The following LRP1B variants were observed in gnomAD, a reference collection of about 807,000 sequenced individuals.
The protein encoded by LRP1B is LDL receptor related protein 1B.
In LRP1B, 217 loss-of-function variants were observed where a neutral mutation model predicts 556.6. The observed-to-expected ratio is 0.39, with a 90% CI of 0.35 to 0.44. The LOEUF is 0.44. Ranked by LOEUF, LRP1B falls within the 20% of genes least tolerant of loss-of-function variation. The pLI is 1.00. For missense variants in LRP1B, 5,053 were observed against 5,620.8 expected, an observed-to-expected ratio of 0.90 and a Z score of 3.23; for synonymous variants, 2,047 against 1,865.8, an observed-to-expected ratio of 1.10 and a Z score of -2.50.
At chr2:140,680,163 C>T (rs1559051139) in intron 41 of LRP1B, among the ~76,000 whole-genome samples, 1 of 152,048 alleles carries the variant, frequency 6.6e-6, no homozygotes, top group Non-Finnish European at 1.5e-5. Context: ...CTAGAGAAAG[C>T]TTTCCAGACC....
chr2:140,532,947 T>TATATATATATATATACAC, intron 47 of LRP1B, among the ~76,000 whole-genome samples: 4 of 124,278 alleles, frequency 3.2e-5, no homozygotes, highest in South Asian at 2.7e-4. Context: ...TATATATATA[T>TATATATATATATATACAC]ACACATATAT....
intron 84 of LRP1B, among the ~76,000 whole-genome samples, chr2:140,295,771 G>A (rs1403585561): frequency 6.7e-6 from 1 of 148,834 alleles, no homozygotes; most frequent in South Asian, 2.2e-4. Context: ...AAGTGTCCTT[G>A]GGTGTAGAAA....
At chr2:141,832,642 G>T (rs928609162) in intron 1 of LRP1B, among the ~76,000 whole-genome samples, 2 of 151,664 alleles carry the variant, frequency 1.3e-5, no homozygotes, top group Non-Finnish European at 3.0e-5. Flanking sequence ...CTGTGGAAAA[G>T]AATCCTCAGT....
intron 3 of LRP1B, among the ~76,000 whole-genome samples, chr2:141,380,837 T>C (rs896431256): frequency 6.6e-6 from 1 of 152,136 alleles, no homozygotes; most frequent in Non-Finnish European, 1.5e-5. Flanking sequence ...TGTCATACTT[T>C]AGTCTCTTGA....
intron 2 of LRP1B, among the ~76,000 whole-genome samples, chr2:141,697,128 A>C (rs1049061739): frequency 5.3e-5 from 8 of 151,896 alleles, no homozygotes; most frequent in African/African-American, 2.4e-5. Flanking sequence ...AGTCATATTA[A>C]AATATATTTT....
At chr2:140,805,769 A>T (rs1205128377) in intron 32 of LRP1B, among the ~76,000 whole-genome samples, 1 of 152,222 alleles carries the variant, frequency 6.6e-6, no homozygotes, top group Admixed American at 6.5e-5. Context: ...GCAAAATAAC[A>T]ATTACTTTTG....
chr2:140,578,260 CA>C lies in LRP1B; in HGVS notation c.7194+20370del, dbSNP rs1488182699. 6.2e-4 allele frequency among the ~76,000 whole-genome samples: 69 copies of C among 111,188 alleles called. 1 individual carries two copies. The highest frequency in any genetic ancestry group is 9.6e-4 in the Non-Finnish European group (45 of 46,826). 72.9% of individuals were successfully genotyped at this position (111,188 alleles called of 152,430 possible). A position where few individuals can be genotyped will look rare whatever the true frequency, so the allele number is the denominator to read the frequency against. On this transcript the variant is annotated intron_variant, in intron 43 of 90. Coordinates refer to ENST00000389484, the MANE Select transcript of LRP1B (RefSeq NM_018557.3). The stretch of plus-strand genomic sequence containing the variant: ...TGGTCTATCAAAGCTAAAACACTTA[CA>C]GTTTTTTTTTTCACTTTCGTTCTCA...
intron 35 of LRP1B, among the ~76,000 whole-genome samples, chr2:140,753,803 A>C (rs1042635679): frequency 6.6e-6 from 1 of 152,078 alleles, no homozygotes; most frequent in Non-Finnish European, 1.5e-5. Flanking sequence ...CATTTGGAAA[A>C]ACACGACACC....
In LRP1B at chr2:140,444,330, G is replaced by A. The variant is rs370678106; in HGVS notation, c.10294C>T (p.Pro3432Ser). ...GACAGAGTATTTTGAGGTGACTTAC[G>A]ACAGTCTCTTTCATCTTCCTCATCA... ...CGDEEDERDC[P>S]ENSCSPDYFQ... Residue 3432 changes from proline (P) to serine (S), a missense_variant and splice_region_variant, in exon 65 of 91, where the codon CCT (proline) becomes TCT (serine). Physicochemically the swap from Pro to Ser is moderately conservative, Grantham distance 74. Around this residue, in one of 5 missense-constraint regions of LRP1B, gnomAD observed 262 missense variants for 395.1 expected, o/e 0.66. Coordinates refer to ENST00000389484, the MANE Select transcript of LRP1B (RefSeq NM_018557.3). The A allele has an allele frequency of 1.1e-5, 17 of 1,613,528 alleles. No individual in the cohort carries two copies. The highest frequency in any genetic ancestry group is 1.4e-5 in the Non-Finnish European group (17 of 1,179,794).
chr2:140,987,057 T>C (rs1010583857), intron 17 of LRP1B, among the ~76,000 whole-genome samples: 2 of 152,150 alleles, frequency 1.3e-5, no homozygotes, highest in Admixed American at 6.6e-5. Context: ...AAATATGCCA[T>C]TTTTTTCCAG....
At chr2:140,722,271 A>G (rs1045113947) in intron 35 of LRP1B, among the ~76,000 whole-genome samples, 13 of 152,186 alleles carry the variant, frequency 8.5e-5, no homozygotes, top group African/African-American at 3.1e-4. Flanking sequence ...TCTGTCTGTT[A>G]CAACTAATGC....
intron 1 of LRP1B, among the ~76,000 whole-genome samples, chr2:142,063,618 A>C (rs990589026): frequency 7.3e-5 from 11 of 151,704 alleles, no homozygotes; most frequent in African/African-American, 2.4e-4. Context: ...TAAAGCTTGC[A>C]ACAAAAATTC....
intron 7 of LRP1B, among the ~76,000 whole-genome samples, chr2:141,088,225 T>C (rs899452696): frequency 6.6e-6 from 1 of 152,200 alleles, no homozygotes; most frequent in African/African-American, 2.4e-5. Flanking sequence ...CACGAAGTAA[T>C]GATTTTTTAC....
intron 37 of LRP1B, among the ~76,000 whole-genome samples, chr2:140,707,776 C>T (rs1478624487): frequency 1.3e-5 from 2 of 152,034 alleles, no homozygotes; most frequent in Non-Finnish European, 2.9e-5. Flanking sequence ...GTATTACAGG[C>T]CTATCCCAAA....
At chr2:140,985,987 TA>T (rs970311112) in intron 17 of LRP1B, among the ~76,000 whole-genome samples, 4 of 151,872 alleles carry the variant, frequency 2.6e-5, no homozygotes, top group Admixed American at 6.6e-5. Flanking sequence ...AATTTGTTTT[TA>T]TTTTTTTAAT....
intron 2 of LRP1B, among the ~76,000 whole-genome samples, chr2:141,742,066 T>C (rs1396115026): frequency 6.6e-6 from 1 of 152,180 alleles, no homozygotes; most frequent in Non-Finnish European, 1.5e-5. Context: ...CCCTAATGTA[T>C]GTTCTTGACA....
intron 3 of LRP1B, among the ~76,000 whole-genome samples, chr2:141,416,959 T>C (rs1283442857): frequency 1.3e-5 from 2 of 152,208 alleles, no homozygotes; most frequent in African/African-American, 2.4e-5. Context: ...GGAAAACCAC[T>C]ATAGAATAAT....
chr2:141,323,337 A>G (rs572491603), intron 3 of LRP1B, among the ~76,000 whole-genome samples: 13 of 152,242 alleles, frequency 8.5e-5, no homozygotes, highest in Non-Finnish European at 1.6e-4. Flanking sequence ...CATATTTCAC[A>G]AACTCCGAAA....
chr2:141,637,161 GAA>G (rs1689133334), intron 2 of LRP1B, among the ~76,000 whole-genome samples: 2 of 152,082 alleles, frequency 1.3e-5, no homozygotes, highest in South Asian at 4.2e-4. Context: ...GGGCAAGAAT[GAA>G]AGACAGCTTG....
Sources: allele counts gnomAD v4.1 joint callset (sites outside exome capture counted in the v4.1 genomes callset), GRCh38; gene constraint gnomAD v4.1.1; regional missense constraint gnomAD v4.1.1; transcripts MANE v1.5; gene names NCBI Gene and HGNC (gene_info 2026-07-23, HGNC 2026-07-21).